GSE1: variants seen among roughly 807,000 people sequenced by gnomAD.
The protein encoded by GSE1 is Gse1 coiled-coil protein, also known as genetic suppressor element 1.
A neutral mutation model predicts 112.6 loss-of-function variants in GSE1; 32 were observed. The observed-to-expected ratio is 0.28, with a 90% CI of 0.21 to 0.38. The LOEUF is 0.38. Ranked by LOEUF, GSE1 falls within the 10% of genes least tolerant of loss-of-function variation. The probability of loss-of-function intolerance (pLI) is 1.00; values close to 1 mark genes in which losing one functional copy is unlikely to be tolerated. For missense variants in GSE1, 2,348 were observed against 1,699.2 expected, an observed-to-expected ratio of 1.38 and a Z score of -6.71; for synonymous variants, 1,115 against 735.6, an observed-to-expected ratio of 1.52 and a Z score of -8.35.
chr16:85,299,514 C>G (rs568027408), intron 1 of GSE1, among the ~76,000 whole-genome samples: 1 of 152,370 alleles, frequency 6.6e-6, no homozygotes, highest in African/African-American at 2.4e-5. Flanking sequence ...GCAGGCCTGC[C>G]TCTGGGCCTC....
At chr16:85,486,357 G>A (rs1387554388) in intron 2 of GSE1, among the ~76,000 whole-genome samples, 1 of 152,180 alleles carries the variant, frequency 6.6e-6, no homozygotes, top group East Asian at 1.9e-4. Context: ...ACGAGCCCGG[G>A]AAGCCTTCCA....
chr16:85,530,126 G>A (rs1047783251), intron 2 of GSE1, among the ~76,000 whole-genome samples: 5 of 152,210 alleles, frequency 3.3e-5, no homozygotes, highest in African/African-American at 1.2e-4. Context: ...TGAGGGTAGC[G>A]CCTGCCGTCC....
chr16:85,486,591 T>C (rs7197425), intron 2 of GSE1, among the ~76,000 whole-genome samples: 66,375 of 152,008 alleles, frequency 0.44, 14,864 homozygotes, highest in Admixed American at 0.46. Flanking sequence ...ACGGCTCCTG[T>C]GGTGTGGAGT....
intron 1 of GSE1, among the ~76,000 whole-genome samples, chr16:85,256,132 A>G (rs1254752602): frequency 6.6e-6 from 1 of 152,070 alleles, no homozygotes; most frequent in Non-Finnish European, 1.5e-5. Flanking sequence ...TTCTGGTTAA[A>G]TCATGCGGTG....
chr16:85,665,756 CCTT>C (rs2052798084), intron 12 of GSE1, among the ~76,000 whole-genome samples: 2 of 152,226 alleles, frequency 1.3e-5, no homozygotes, highest in African/African-American at 2.4e-5. Flanking sequence ...TCTGCTTCTT[CCTT>C]CTTGGGACAT....
At chr16:85,430,952 T>C (rs888445567) in intron 2 of GSE1, among the ~76,000 whole-genome samples, 9 of 152,162 alleles carry the variant, frequency 5.9e-5, no homozygotes, top group African/African-American at 2.2e-4. Context: ...TGCTTAAGAC[T>C]CTGCACTTTG....
At chr16:85,377,040 T>C (rs1329939589) in intron 2 of GSE1, among the ~76,000 whole-genome samples, 1 of 152,158 alleles carries the variant, frequency 6.6e-6, no homozygotes, top group East Asian at 1.9e-4. Context: ...CGACCACGTG[T>C]TGATTTTTGG....
Position 85,430,369 on chromosome 16 carries a change from G to A in GSE1, c.2464+72726G>A, listed in dbSNP as rs2049091160. Among the ~76,000 whole-genome samples, 5 of 152,206 alleles carry A rather than the reference G, an allele frequency of 3.3e-5. 1 individual carries two copies. The South Asian group carries it at 1.0e-3, about 32-fold the overall frequency. On this transcript the variant is annotated intron_variant, in intron 2 of 2. Coordinates refer to the GSE1 transcript ENST00000637419. ...GCCTCCCGTGCAGTCCTCATTCCCA[G>A]TCACAGATGGGGGAAGAACCACAGA...
intron 2 of GSE1, among the ~76,000 whole-genome samples, chr16:85,472,489 C>T (rs191908731): frequency 6.6e-6 from 1 of 152,348 alleles, no homozygotes; most frequent in East Asian, 1.9e-4. Flanking sequence ...AGCTCATTGG[C>T]CTTAGGACCC....
intron 1 of GSE1, among the ~76,000 whole-genome samples, chr16:85,274,556 G>A (rs1243201982): frequency 6.6e-6 from 1 of 152,242 alleles, no homozygotes; most frequent in Non-Finnish European, 1.5e-5. Context: ...CCTCAGGAGT[G>A]TGAAGAGGGC....
At chr16:85,666,623 G>T (rs2052884441) in intron 13 of GSE1, 1 of 463,150 alleles carries the variant, frequency 2.2e-6, no homozygotes, top group African/African-American at 2.0e-5. Flanking sequence ...AGGTAAAGGA[G>T]TGAACGCCGA....
chr16:85,616,724 C>G (rs2048394495), intron 1 of GSE1, among the ~76,000 whole-genome samples: 1 of 151,922 alleles, frequency 6.6e-6, no homozygotes, highest in African/African-American at 2.4e-5. Flanking sequence ...TCTCGGTGGC[C>G]TCACCGAGTG....
intron 1 of GSE1, among the ~76,000 whole-genome samples, chr16:85,280,754 A>G (rs1312046978): frequency 6.6e-6 from 1 of 152,188 alleles, no homozygotes; most frequent in Non-Finnish European, 1.5e-5. Context: ...ATTCTTTACA[A>G]AATGTCACCT....
rs1353697139 is a variant in GSE1 at position 85,419,634 on chromosome 16, A to G, written c.2464+61991A>G. ...AAAAAAAAACAAAAAACAAAAAACA[A>G]AAAATAACATTATGCCAGAACATGC... On this transcript the variant is annotated intron_variant, in intron 2 of 2. Transcript: ENST00000637419. This position sits in a 1 kb window ranked among gnomAD's most constrained non-coding sequence, Gnocchi z 6.5. Among the ~76,000 whole-genome samples, 1 of 152,040 alleles carries G rather than the reference A, an allele frequency of 6.6e-6. No individual in the cohort carries two copies. The highest frequency in any genetic ancestry group is 1.9e-4 in the East Asian group (1 of 5,200).
intron 2 of GSE1, among the ~76,000 whole-genome samples, chr16:85,423,816 C>T (rs1340350647): frequency 6.6e-6 from 1 of 152,264 alleles, no homozygotes; most frequent in Non-Finnish European, 1.5e-5. Flanking sequence ...ATGCTCTCCC[C>T]ACGGTCCTGG....
At chr16:85,450,595 C>T (rs1041261193) in intron 2 of GSE1, among the ~76,000 whole-genome samples, 1 of 151,670 alleles carries the variant, frequency 6.6e-6, no homozygotes, top group African/African-American at 2.4e-5. Flanking sequence ...ATTACAGGCG[C>T]CCGCTACCAT....
intron 2 of GSE1, among the ~76,000 whole-genome samples, chr16:85,427,701 A>C (rs1033808538): frequency 5.3e-5 from 8 of 151,880 alleles, no homozygotes; most frequent in African/African-American, 7.3e-5. Context: ...GCGTGGTGGC[A>C]TGCGCCTGTA....
At position 85,264,634 on chromosome 16, in the gene GSE1, T is replaced by C. The variant is rs16975442; in HGVS notation, c.2283+92827T>C. Reference sequence around the variant, plus strand: ...GCTCGGACTCTGAGCTCGCATGAGATCCCCCTGTGGACGGCGTCGGGTGGG... The same window carrying C: ...GCTCGGACTCTGAGCTCGCATGAGACCCCCCTGTGGACGGCGTCGGGTGGG... On this transcript the variant is annotated intron_variant, in intron 1 of 2. Coordinates refer to the GSE1 transcript ENST00000637419. 8.2e-3 allele frequency among the ~76,000 whole-genome samples: 1,249 copies of C among 152,140 alleles called. 16 individuals are homozygous for C. The highest frequency in any genetic ancestry group is 0.029 in the African/African-American group (1,210 of 41,470).
chr16:85,234,188 C>A (rs1376329289), intron 1 of GSE1, among the ~76,000 whole-genome samples: 2 of 152,178 alleles, frequency 1.3e-5, no homozygotes, highest in East Asian at 3.8e-4. Flanking sequence ...TCCCCGCCCT[C>A]CTATATTTGC....
Sources: allele counts gnomAD v4.1 joint callset (sites outside exome capture counted in the v4.1 genomes callset), GRCh38; gene constraint gnomAD v4.1.1; non-coding constraint Gnocchi (gnomAD v3.1); transcripts MANE v1.5; gene names NCBI Gene and HGNC (gene_info 2026-07-23, HGNC 2026-07-21).